The following SPATA17 variants were observed in gnomAD, a reference collection of about 807,000 sequenced individuals.
SPATA17 encodes spermatogenesis-associated protein 17.
In SPATA17, 53 loss-of-function variants were observed where a neutral mutation model predicts 62.2. The ratio of observed to expected loss-of-function variants is 0.85; its 90% CI spans 0.68 to 1.07. SPATA17 has a LOEUF of 1.07. Ranked by LOEUF, SPATA17 falls within the 50% of genes least tolerant of loss-of-function variation. SPATA17 has a pLI of 0.00. For missense variants in SPATA17, 466 were observed against 425.5 expected (o/e 1.10, Z -0.84); for synonymous variants, 146 against 146.8 (o/e 0.99, Z 0.04).
chr1:217,634,897 T>TTGTTG (rs1013149766), intron 1 of SPATA17, among the ~76,000 whole-genome samples: 6 of 149,946 alleles, frequency 4.0e-5, no homozygotes, highest in Non-Finnish European at 5.9e-5. Context: ...TATTGGCCTT[T>TTGTTG]TTGTTGTTGT....
At chr1:217,711,341 T>A (rs1036010496) in intron 5 of SPATA17, among the ~76,000 whole-genome samples, 4 of 152,198 alleles carry the variant, frequency 2.6e-5, no homozygotes, top group Non-Finnish European at 5.9e-5. Context: ...CTTCTTTGTG[T>A]CCCTGTGTTC....
At chr1:217,714,732 G>C (rs377440255) in intron 5 of SPATA17, among the ~76,000 whole-genome samples, 1 of 151,906 alleles carries the variant, frequency 6.6e-6, no homozygotes, top group African/African-American at 2.4e-5. Flanking sequence ...TGATCCGCCC[G>C]CCTCGGCCTC....
At chr1:217,764,641 G>T (rs962394577) in intron 6 of SPATA17, among the ~76,000 whole-genome samples, 1 of 152,258 alleles carries the variant, frequency 6.6e-6, no homozygotes, top group Admixed American at 6.5e-5. Context: ...GTAAAAAACT[G>T]TCAAACTGTA....
At chr1:217,831,513 T>C (rs1383222558) in intron 9 of SPATA17, among the ~76,000 whole-genome samples, 1 of 152,164 alleles carries the variant, frequency 6.6e-6, no homozygotes, top group East Asian at 1.9e-4. Flanking sequence ...CTCTCCTAAC[T>C]GCATCTTGCT....
chr1:217,778,909 C>G (rs1673665754), intron 7 of SPATA17, among the ~76,000 whole-genome samples: 1 of 152,128 alleles, frequency 6.6e-6, no homozygotes, highest in Admixed American at 6.5e-5. Flanking sequence ...TCTTCATTCC[C>G]TACATGGCTT....
chr1:217,779,144 TTGTGTGTGTG>T (rs55714817), intron 7 of SPATA17, among the ~76,000 whole-genome samples: 1,628 of 148,540 alleles, frequency 0.011, 21 homozygotes, highest in African/African-American at 0.038. Context: ...GTAAAACAAC[TTGTGTGTGTG>T]TGTGTGTGTG....
intron 1 of SPATA17, among the ~76,000 whole-genome samples, chr1:217,645,007 G>T (rs1670147686): frequency 6.6e-6 from 1 of 151,866 alleles, no homozygotes; most frequent in Non-Finnish European, 1.5e-5. Context: ...ATGACATATT[G>T]TATGAGTATT....
In SPATA17 at chr1:217,868,119, A is replaced by G. The variant is rs187795450; in HGVS notation, c.*1100A>G. On this transcript the variant is annotated 3_prime_UTR_variant, in exon 11 of 11. Coordinates refer to ENST00000366933, the MANE Select transcript of SPATA17 (RefSeq NM_138796.4). Reference sequence around the variant, plus strand: ...AGTTTTGAGCTCCTGATTTAAATAAACAAATTGTAAAATAAAAGATCTTTT... The same window carrying G: ...AGTTTTGAGCTCCTGATTTAAATAAGCAAATTGTAAAATAAAAGATCTTTT... 6.6e-6 allele frequency: 1 copy of G among 152,326 alleles called. No homozygotes were observed. Among genetic ancestry groups the G allele is most frequent in the East Asian group, 1.9e-4 (1 of 5,186 alleles). 9.4% of individuals were successfully genotyped at this position (152,326 alleles called of 1,614,324 possible).
At chr1:217,760,486 G>A (rs2102962606) in intron 6 of SPATA17, among the ~76,000 whole-genome samples, 1 of 152,130 alleles carries the variant, frequency 6.6e-6, no homozygotes, top group South Asian at 2.1e-4. Context: ...GACTATATAA[G>A]GGCTCAGTGT....
At chr1:217,866,180 A>C (rs1676007306) in intron 10 of SPATA17, among the ~76,000 whole-genome samples, 1 of 152,128 alleles carries the variant, frequency 6.6e-6, no homozygotes, top group Non-Finnish European at 1.5e-5. Context: ...TAATAAGAAA[A>C]ATTATTAAAT....
chr1:217,833,915 T>C (rs942658386), intron 9 of SPATA17, among the ~76,000 whole-genome samples: 1 of 152,188 alleles, frequency 6.6e-6, no homozygotes, highest in African/African-American at 2.4e-5. Flanking sequence ...GTTTTTGCTC[T>C]AATGGCAACA....
intron 6 of SPATA17, among the ~76,000 whole-genome samples, chr1:217,751,270 A>C (rs1377154859): frequency 1.3e-5 from 2 of 152,236 alleles, no homozygotes; most frequent in Non-Finnish European, 2.9e-5. Flanking sequence ...TTTTCAGAAT[A>C]TTCTATAAAA....
At chr1:217,747,710 A>T (rs1672797803) in intron 6 of SPATA17, among the ~76,000 whole-genome samples, 1 of 152,164 alleles carries the variant, frequency 6.6e-6, no homozygotes, top group Non-Finnish European at 1.5e-5. Flanking sequence ...ATTAAAGCTA[A>T]AGTAGAAACA....
intron 2 of SPATA17, among the ~76,000 whole-genome samples, chr1:217,649,310 C>G (rs1264811929): frequency 6.6e-6 from 1 of 151,974 alleles, no homozygotes; most frequent in Non-Finnish European, 1.5e-5. Flanking sequence ...GAAACCCAGT[C>G]TCTACTAAAA....
At chr1:217,820,034 G>A (rs1277417093) in intron 9 of SPATA17, among the ~76,000 whole-genome samples, 2 of 152,064 alleles carry the variant, frequency 1.3e-5, no homozygotes, top group Non-Finnish European at 2.9e-5. Context: ...CTAAGGATCA[G>A]TAAGTGCTAA....
chr1:217,709,751 A>G (rs2102925612), intron 5 of SPATA17, among the ~76,000 whole-genome samples: 1 of 152,320 alleles, frequency 6.6e-6, no homozygotes, highest in African/African-American at 2.4e-5. Context: ...CACATATTGT[A>G]TTTCAAAAAC....
chr1:217,793,080 T>C (rs1055689601), intron 8 of SPATA17, among the ~76,000 whole-genome samples: 1 of 152,106 alleles, frequency 6.6e-6, no homozygotes, highest in African/African-American at 2.4e-5. Flanking sequence ...AGATATTGTG[T>C]ATTGAGATAA....
At chr1:217,639,290 T>A (rs1055131248) in intron 1 of SPATA17, among the ~76,000 whole-genome samples, 4 of 152,008 alleles carry the variant, frequency 2.6e-5, no homozygotes, top group Non-Finnish European at 4.4e-5. Flanking sequence ...ACAAAAACAA[T>A]AATTACTAAT....
rs192085341 is a variant in SPATA17 at position 217,864,410 on chromosome 1, C to G, written c.*2+1554C>G. Among the ~76,000 whole-genome samples, 15 of 152,120 alleles carry G rather than the reference C, an allele frequency of 9.9e-5. 1 individual carries two copies. The highest frequency in any genetic ancestry group is 3.4e-3 in the Middle Eastern group (1 of 294). On this transcript the variant is annotated intron_variant, in intron 10 of 10. Transcript: ENST00000366933. Reference sequence around the variant, plus strand: ...CTTTACCCATTAATTTTTAAAAATGCCTACAATATATTTCTAGGAAAAGAA... The same window carrying G: ...CTTTACCCATTAATTTTTAAAAATGGCTACAATATATTTCTAGGAAAAGAA...
Sources: allele counts gnomAD v4.1 joint callset (sites outside exome capture counted in the v4.1 genomes callset), GRCh38; gene constraint gnomAD v4.1.1; transcripts MANE v1.5; gene names NCBI Gene and HGNC (gene_info 2026-07-23, HGNC 2026-07-21).